NRP1: variants seen among roughly 807,000 people sequenced by gnomAD.
The protein encoded by NRP1 is neuropilin 1.
In NRP1, 35 loss-of-function variants were observed where a neutral mutation model predicts 106.7. The observed-to-expected ratio is 0.33, with a 90% confidence interval of 0.25 to 0.43. The LOEUF (loss-of-function observed/expected upper bound fraction) is 0.43, where lower values mean the gene tolerates loss of function less well. Ranked by LOEUF, NRP1 falls within the 20% of genes least tolerant of loss-of-function variation. NRP1 has a pLI of 1.00. For synonymous variants in NRP1, 437 were observed against 417.9 expected (o/e 1.05, Z -0.56); for missense variants, 1,024 against 1,170.4 (o/e 0.87, Z 1.83).
chr10:33,259,811 GA>G (rs1236353825), intron 4 of NRP1, among the ~76,000 whole-genome samples: 3 of 151,874 alleles, frequency 2.0e-5, no homozygotes, highest in African/African-American at 7.2e-5. Context: ...CTTTTTATGT[GA>G]AAAAATAAAA....
At chr10:33,245,509 T>C (rs1295700319) in intron 6 of NRP1, among the ~76,000 whole-genome samples, 4 of 152,210 alleles carry the variant, frequency 2.6e-5, no homozygotes, top group Admixed American at 6.5e-5. Flanking sequence ...GATTGTTCAA[T>C]TTCATAGGCG....
intron 2 of NRP1, among the ~76,000 whole-genome samples, chr10:33,294,404 G>C (rs992686241): frequency 1.3e-5 from 2 of 152,050 alleles, no homozygotes; most frequent in African/African-American, 4.8e-5. Context: ...GATCTCCTGA[G>C]GTCGGGAGTT....
chr10:33,302,805 T>G (rs1285597846), intron 2 of NRP1, among the ~76,000 whole-genome samples: 1 of 152,070 alleles, frequency 6.6e-6, no homozygotes, highest in Non-Finnish European at 1.5e-5. Context: ...GTCTCAGAGG[T>G]TGGAAATAAG....
At position 33,270,796 on chromosome 10, in the gene NRP1, G is replaced by A; in HGVS notation, c.309C>T (p.Phe103=). The A allele has an allele frequency of 6.2e-7, 1 of 1,613,688 alleles. No homozygotes were observed. Among genetic ancestry groups the A allele is most frequent in the South Asian group, 1.1e-5 (1 of 90,976 alleles). ...CAGGAGGAGGGGCTATCTTTCCACA[G>A]AACTTTCCCCTAAAATGTCCATTTT... ...ENENGHFRGK[F]CGKIAPPPVV... The change falls in exon 3 of 17, where the codon TTC becomes TTT. Residue 103 remains phenylalanine, a synonymous_variant. Transcript: ENST00000374867.
chr10:33,237,090 G>T (rs1346928257), intron 6 of NRP1, among the ~76,000 whole-genome samples: 2 of 151,914 alleles, frequency 1.3e-5, no homozygotes, highest in African/African-American at 2.4e-5. Flanking sequence ...GCATCCCAAA[G>T]CCCAATCATG....
chr10:33,254,008 C>A lies in NRP1; in HGVS notation c.981+20G>T. On this transcript the variant is annotated intron_variant, in intron 6 of 16. Transcript: ENST00000374867. ...AAAAACTTATTCAATCCTAGATAGGCTTGATCTTATGCTGCATACCTGTAT... is the reference window on the plus strand; with the variant it reads ...AAAAACTTATTCAATCCTAGATAGGATTGATCTTATGCTGCATACCTGTAT... The A allele has an allele frequency of 6.3e-7, 1 of 1,588,040 alleles. No individual in the cohort carries two copies. The highest frequency in any genetic ancestry group is 8.5e-7 in the Non-Finnish European group (1 of 1,170,584).
At chr10:33,262,600 G>A (rs1170929691) in intron 4 of NRP1, among the ~76,000 whole-genome samples, 7 of 151,674 alleles carry the variant, frequency 4.6e-5, no homozygotes, top group Non-Finnish European at 1.0e-4. Flanking sequence ...CTACTCGGGA[G>A]GCTGAGGCAG....
Position 33,273,760 on chromosome 10 carries a change from G to A in NRP1, c.249-2904C>T, listed in dbSNP as rs1374125554. Among the ~76,000 whole-genome samples, 5 of 151,530 alleles carry A rather than the reference G, an allele frequency of 3.3e-5. No homozygotes were observed. In the East Asian group the frequency reaches 5.8e-4, roughly 18 times the overall value. ...AATTTAATTCATAAAAGCTAGAGGA[G>A]GGGTCAGAGAGTTGACCCCTCTGTC... On this transcript the variant is annotated intron_variant, in intron 2 of 16. Transcript: ENST00000374867.
intron 2 of NRP1, among the ~76,000 whole-genome samples, chr10:33,327,807 T>C (rs184592566): frequency 3.3e-5 from 5 of 152,330 alleles, no homozygotes; most frequent in African/African-American, 1.2e-4. Flanking sequence ...TAGTCATTCA[T>C]ATGAATCAGC....
intron 1 of NRP1, 30 bp downstream of exon 1, chr10:33,334,280 C>T (rs1305615416): frequency 6.5e-7 from 1 of 1,533,332 alleles, no homozygotes; most frequent in East Asian, 2.5e-5. Context: ...CGGGGCGCCG[C>T]TGTCACCCGC....
chr10:33,207,448 ACCGAG>A, intron 10 of NRP1, 119 bp downstream of exon 10: 1 of 975,548 alleles, frequency 1.0e-6, no homozygotes, highest in Non-Finnish European at 1.5e-6. Context: ...ATGGGCAGGC[ACCGAG>A]ATAAGGGGCC....
intron 2 of NRP1, among the ~76,000 whole-genome samples, chr10:33,282,127 T>C (rs1198267307): frequency 1.0e-5 from 1 of 96,676 alleles, no homozygotes; most frequent in Non-Finnish European, 2.4e-5. Context: ...TACCATAGTA[T>C]GTTTTTTTTT....
intron 8 of NRP1, 41 bp downstream of exon 8, chr10:33,221,678 T>A: frequency 6.3e-7 from 1 of 1,590,244 alleles, no homozygotes; most frequent in Non-Finnish European, 8.6e-7. Flanking sequence ...CAAGACAATC[T>A]TCGACTTGGA....
chr10:33,242,406 T>C (rs979464463), intron 6 of NRP1, among the ~76,000 whole-genome samples: 3 of 152,228 alleles, frequency 2.0e-5, no homozygotes, highest in African/African-American at 7.2e-5. Flanking sequence ...AGAAGTAATA[T>C]AATGTACGTG....
intron 9 of NRP1, among the ~76,000 whole-genome samples, chr10:33,210,221 C>T (rs1838190491): frequency 6.6e-6 from 1 of 151,278 alleles, no homozygotes; most frequent in Admixed American, 6.6e-5. Context: ...AGTAAATTCA[C>T]TATCGGGGTT....
chr10:33,330,619 CTACAT>C (rs1387356384), intron 2 of NRP1, 84 bp downstream of exon 2: 1 of 1,091,608 alleles, frequency 9.2e-7, no homozygotes, highest in African/African-American at 1.6e-5. Flanking sequence ...CATTTATAAT[CTACAT>C]TGTACACACC....
chr10:33,325,527 A>ATAAGTG, intron 2 of NRP1, among the ~76,000 whole-genome samples: 1 of 152,362 alleles, frequency 6.6e-6, no homozygotes, highest in South Asian at 2.1e-4. Context: ...ATGTGCAGGA[A>ATAAGTG]TAAATGTAAA....
At chr10:33,182,581 GT>G in intron 16 of NRP1, 116 bp downstream of exon 16, 1 of 726,200 alleles carries the variant, frequency 1.4e-6, no homozygotes, top group South Asian at 1.6e-5. Flanking sequence ...GGGCATAGAT[GT>G]TTTTTATTTG....
At chr10:33,204,752 A>G (rs1373274933) in intron 10 of NRP1, among the ~76,000 whole-genome samples, 1 of 151,808 alleles carries the variant, frequency 6.6e-6, no homozygotes, top group Non-Finnish European at 1.5e-5. Flanking sequence ...TTTTTTTGAG[A>G]TGGAGTTTCA....
Sources: allele counts gnomAD v4.1 joint callset (sites outside exome capture counted in the v4.1 genomes callset), GRCh38; gene constraint gnomAD v4.1.1; transcripts MANE v1.5; gene names NCBI Gene and HGNC (gene_info 2026-07-23, HGNC 2026-07-21).